The following SPATA16 variants were observed in gnomAD, a reference collection of about 807,000 sequenced individuals.
SPATA16 encodes spermatogenesis associated 16, also known as spermatogenesis-associated protein 16.
Under a neutral mutation model 63.3 loss-of-function variants are expected in SPATA16, and 36 were observed. The ratio of observed to expected loss-of-function variants is 0.57; its 90% CI spans 0.44 to 0.75. The LOEUF is 0.75. Ranked by LOEUF, SPATA16 falls within the 30% of genes least tolerant of loss-of-function variation. The pLI, the probability that SPATA16 is intolerant of heterozygous loss-of-function variation, is 0.00. For synonymous variants in SPATA16, 203 were observed against 216.7 expected (o/e 0.94, Z 0.56); for missense variants, 646 against 679.3 (o/e 0.95, Z 0.54).
At chr3:173,060,531 A>T (rs1458372025) in intron 2 of SPATA16, among the ~76,000 whole-genome samples, 2 of 152,220 alleles carry the variant, frequency 1.3e-5, no homozygotes, top group African/African-American at 4.8e-5. Flanking sequence ...TTAAAAATAA[A>T]CAATGTTAAA....
intron 1 of SPATA16, among the ~76,000 whole-genome samples, chr3:173,123,096 C>T (rs1226417837): frequency 6.6e-6 from 1 of 152,014 alleles, no homozygotes; most frequent in Non-Finnish European, 1.5e-5. Context: ...AGAAATGGTA[C>T]GTTATTATTA....
chr3:172,993,476 T>A (rs1734628784), intron 4 of SPATA16, among the ~76,000 whole-genome samples: 1 of 151,408 alleles, frequency 6.6e-6, no homozygotes, highest in Non-Finnish European at 1.5e-5. Flanking sequence ...CAAGGAAGAG[T>A]TTGTTGGACA....
At chr3:172,893,868 CAAG>C (rs59163576) in intron 10 of SPATA16, among the ~76,000 whole-genome samples, 2,802 of 152,286 alleles carry the variant, frequency 0.018, 95 homozygotes, top group African/African-American at 0.065. Flanking sequence ...TAGTCTGAAT[CAAG>C]GAGAGAGGAT....
chr3:173,082,021 C>T (rs142295689), intron 2 of SPATA16, among the ~76,000 whole-genome samples: 52 of 152,236 alleles, frequency 3.4e-4, no homozygotes, highest in East Asian at 1.2e-3. Flanking sequence ...ATGTAGATTA[C>T]GTAAGTAGAA....
rs1438137385 is a variant in SPATA16 at position 173,019,589 on chromosome 3, A to G, written c.759-14T>C. On this transcript the variant is annotated splice_polypyrimidine_tract_variant and intron_variant, in intron 3 of 10. Transcript: ENST00000351008. ...AAAACAATGCTCCTGTAAAAAGGTA[A>G]AAGAAATGCAAATGTTATTTGGGTT... 3.1e-6 allele frequency: 5 copies of G among 1,609,940 alleles called. No individual in the cohort carries two copies. Among genetic ancestry groups the G allele is most frequent in the Non-Finnish European group, 4.3e-6 (5 of 1,176,384 alleles).
chr3:173,095,641 A>G (rs1737333578), intron 2 of SPATA16, among the ~76,000 whole-genome samples: 1 of 152,170 alleles, frequency 6.6e-6, no homozygotes. Context: ...GCCATTATTG[A>G]CAGTCTTTAT....
chr3:172,943,124 G>C (rs534952291), intron 6 of SPATA16, among the ~76,000 whole-genome samples: 31 of 152,208 alleles, frequency 2.0e-4, no homozygotes, highest in African/African-American at 7.5e-4. Context: ...TAAGCAATCT[G>C]TTATAAGTTT....
intron 3 of SPATA16, among the ~76,000 whole-genome samples, chr3:173,027,779 C>G (rs1194853011): frequency 6.6e-6 from 1 of 151,776 alleles, no homozygotes; most frequent in Non-Finnish European, 1.5e-5. Context: ...ATGCTTTACC[C>G]TTCCTTCAGT....
At position 173,115,119 on chromosome 3, in the gene SPATA16, G is replaced by A. The variant is rs9835002; in HGVS notation, c.612+2001C>T. Reference sequence around the variant, plus strand: ...GAGGTAGCGGGGAAGGAGAGAGAGAGAAACACAAGCATTATGCAGTACAAT... The same window carrying A: ...GAGGTAGCGGGGAAGGAGAGAGAGAAAAACACAAGCATTATGCAGTACAAT... On this transcript the variant is annotated intron_variant, in intron 2 of 10. Coordinates refer to ENST00000351008, the MANE Select transcript of SPATA16 (RefSeq NM_031955.6). Among the ~76,000 whole-genome samples the A allele has an allele frequency of 3.0e-3, 450 of 152,112 alleles. 2 individuals are homozygous for A. Among genetic ancestry groups the A allele is most frequent in the African/African-American group, 0.01 (433 of 41,520 alleles).
chr3:173,137,822 AACACACACACACACACAC>A lies in SPATA16; in HGVS notation c.-19+3263_-19+3280del, dbSNP rs1185263699. On this transcript the variant is annotated intron_variant, in intron 1 of 10. Coordinates refer to ENST00000351008, the MANE Select transcript of SPATA16 (RefSeq NM_031955.6). ...TCTGAGGGGGATCCCATGGACTCTC[AACACACACACACACACAC>A]ACACACACACACACACACACACACA... is the stretch of plus-strand genomic sequence containing the variant. Among the ~76,000 whole-genome samples, 424 of 122,284 alleles carry A rather than the reference AACACACACACACACACAC, an allele frequency of 3.5e-3. 6 individuals carry two copies. Among genetic ancestry groups the A allele is most frequent in the African/African-American group, 0.012 (405 of 33,410 alleles). 80.2% of individuals were successfully genotyped at this position (122,284 alleles called of 152,430 possible). A position where few individuals can be genotyped will look rare whatever the true frequency, so the allele number is the denominator to read the frequency against.
intron 1 of SPATA16, among the ~76,000 whole-genome samples, chr3:173,121,772 A>G (rs1738078757): frequency 6.6e-6 from 1 of 152,164 alleles, no homozygotes; most frequent in African/African-American, 2.4e-5. Context: ...TATGGACTAT[A>G]CCTTTGAAAA....
chr3:172,896,716 GT>G (rs1732017203), intron 10 of SPATA16, among the ~76,000 whole-genome samples: 1 of 151,726 alleles, frequency 6.6e-6, no homozygotes, highest in Non-Finnish European at 1.5e-5. Flanking sequence ...TGTTGAACAT[GT>G]TTTAACATGC....
chr3:172,906,737 T>G (rs1011297180), intron 10 of SPATA16, among the ~76,000 whole-genome samples: 1 of 149,856 alleles, frequency 6.7e-6, no homozygotes, highest in African/African-American at 2.5e-5. Flanking sequence ...CTAATACATT[T>G]TACTTTTTTA....
At chr3:173,028,989 G>A (rs1207766992) in intron 3 of SPATA16, among the ~76,000 whole-genome samples, 1 of 151,990 alleles carries the variant, frequency 6.6e-6, no homozygotes, top group East Asian at 1.9e-4. Flanking sequence ...CCTTCCATAT[G>A]GAATATAGAA....
intron 6 of SPATA16, among the ~76,000 whole-genome samples, chr3:172,955,665 C>T (rs528284068): frequency 1.4e-4 from 22 of 152,052 alleles, no homozygotes; most frequent in South Asian, 6.2e-4. Flanking sequence ...GAGAAAAGTA[C>T]GAAATCCATA....
intron 2 of SPATA16, among the ~76,000 whole-genome samples, chr3:173,068,215 A>G (rs1275754459): frequency 6.6e-6 from 1 of 152,232 alleles, no homozygotes; most frequent in Non-Finnish European, 1.5e-5. Context: ...TGTAATTGCA[A>G]TGTTTAAACC....
At chr3:173,004,663 A>G (rs968128681) in intron 4 of SPATA16, among the ~76,000 whole-genome samples, 1 of 152,098 alleles carries the variant, frequency 6.6e-6, no homozygotes, top group Non-Finnish European at 1.5e-5. Flanking sequence ...TTGTTTTTTG[A>G]GGTAGCTTCA....
intron 2 of SPATA16, among the ~76,000 whole-genome samples, chr3:173,091,078 C>G (rs556954946): frequency 1.4e-4 from 22 of 152,176 alleles, no homozygotes; most frequent in Admixed American, 3.9e-4. Flanking sequence ...ATATGTCTTT[C>G]TGATATATGT....
intron 4 of SPATA16, among the ~76,000 whole-genome samples, chr3:172,978,072 T>TA (rs931972813): frequency 2.0e-5 from 3 of 152,058 alleles, no homozygotes; most frequent in Non-Finnish European, 2.9e-5. Flanking sequence ...ATTAGGACTC[T>TA]AAAAAATCAA....
Sources: gnomAD v4.1 joint callset for allele counts (sites outside exome capture counted in the v4.1 genomes callset) on GRCh38, gnomAD v4.1.1 for gene constraint, MANE v1.5 for transcripts, NCBI Gene and HGNC (gene_info 2026-07-23, HGNC 2026-07-21) for gene names.